Variants in KLF17 observed in about 807,000 individuals in gnomAD.
KLF17 encodes the protein Krueppel-like factor 17.
A neutral mutation model predicts 34.2 loss-of-function variants in KLF17; 31 were observed. The ratio of observed to expected loss-of-function variants is 0.91; its 90% CI spans 0.68 to 1.22. KLF17 has a LOEUF of 1.22. Ranked by LOEUF, KLF17 falls within the 50% of genes most tolerant of loss-of-function variation. KLF17 has a pLI of 0.00. For missense variants in KLF17, 478 were observed against 505.2 expected (o/e 0.95, Z 0.52); for synonymous variants, 179 against 186.7 (o/e 0.96, Z 0.34).
the KLF17 span, among the ~76,000 whole-genome samples, chr1:44,056,017 C>T: frequency 1.3e-5 from 2 of 152,260 alleles, no homozygotes; most frequent in South Asian, 4.1e-4. Context: ...TAACTTTATA[C>T]CCAGACTCTC....
chr1:44,131,489 A>G lies in KLF17; in HGVS notation c.*733A>G, dbSNP rs72886008. On this transcript the variant is annotated intron_variant, in intron 3 of 3. Transcript: ENST00000372299. The stretch of plus-strand genomic sequence containing the variant: ...ACCTTGAGAAAGTTCTTGGATCACT[A>G]TGCTTTGTTTCTTCCAGAAAATGAA... 3.7e-3 allele frequency among the ~76,000 whole-genome samples: 556 copies of G among 152,288 alleles called. 6 individuals are homozygous for G. The highest frequency in any genetic ancestry group is 0.013 in the African/African-American group (534 of 41,556).
the KLF17 span, chr1:44,052,178 A>T: frequency 6.6e-6 from 1 of 152,308 alleles, no homozygotes; most frequent in Admixed American, 6.5e-5. Context: ...TGGAGACCTC[A>T]ATCCTCAGGT....
chr1:44,103,925 G>A, the KLF17 span: 25 of 845,572 alleles, frequency 3.0e-5, no homozygotes, highest in South Asian at 3.2e-4. Context: ...TCTCATACTT[G>A]ATCTGGTACA....
the KLF17 span, among the ~76,000 whole-genome samples, chr1:44,067,801 T>A: frequency 4.0e-5 from 6 of 151,290 alleles, no homozygotes; most frequent in African/African-American, 1.5e-4. Flanking sequence ...AATGCCACCC[T>A]GACCTCATGG....
the KLF17 span, among the ~76,000 whole-genome samples, chr1:44,072,422 G>A: frequency 3.3e-5 from 5 of 152,132 alleles, no homozygotes; most frequent in Admixed American, 6.6e-5. Context: ...CAGCTGCAGT[G>A]GCTCATGCCT....
chr1:44,112,659 C>T, the KLF17 span, among the ~76,000 whole-genome samples: 573 of 152,274 alleles, frequency 3.8e-3, 2 homozygotes, highest in African/African-American at 0.013. Flanking sequence ...TCTCCCACCT[C>T]GGCCTTGCAA....
chr1:44,116,916 A>G (rs1420087270), upstream of KLF17, among the ~76,000 whole-genome samples: 2 of 152,138 alleles, frequency 1.3e-5, no homozygotes, highest in South Asian at 4.1e-4. Context: ...AGTGTCTAAA[A>G]TGGAATTCTT....
the KLF17 span, among the ~76,000 whole-genome samples, chr1:44,046,560 C>T: frequency 6.6e-6 from 1 of 151,020 alleles, no homozygotes. Flanking sequence ...CACACACACA[C>T]ACACACACTC....
At chr1:44,055,379 C>A in the KLF17 span, among the ~76,000 whole-genome samples, 1 of 152,120 alleles carries the variant, frequency 6.6e-6, no homozygotes, top group African/African-American at 2.4e-5. Context: ...TGATGGCCAG[C>A]CAAAAATTAG....
chr1:44,066,275 C>T, the KLF17 span, among the ~76,000 whole-genome samples: 2 of 151,696 alleles, frequency 1.3e-5, no homozygotes, highest in Non-Finnish European at 2.9e-5. Context: ...GCCATGATTG[C>T]ACCACTGTAC....
chr1:44,053,818 AT>A, the KLF17 span, among the ~76,000 whole-genome samples: 1 of 152,124 alleles, frequency 6.6e-6, no homozygotes, highest in African/African-American at 2.4e-5. Context: ...AAATATTACT[AT>A]CCACTTGTTG....
the KLF17 span, among the ~76,000 whole-genome samples, chr1:44,050,689 G>A: frequency 3.9e-5 from 6 of 152,072 alleles, no homozygotes; most frequent in African/African-American, 1.2e-4. Flanking sequence ...AGCCAAGGTG[G>A]GCAGATCACT....
the KLF17 span, among the ~76,000 whole-genome samples, chr1:44,072,800 C>A: frequency 6.6e-6 from 1 of 152,080 alleles, no homozygotes; most frequent in Non-Finnish European, 1.5e-5. Flanking sequence ...GGCCCAGGAG[C>A]CCCCAGAGCC....
the KLF17 span, among the ~76,000 whole-genome samples, chr1:44,084,867 A>G: frequency 6.6e-6 from 1 of 150,812 alleles, no homozygotes; most frequent in Admixed American, 6.6e-5. Flanking sequence ...TGAGCCCAGG[A>G]GTTCAAGACC....
chr1:44,103,627 G>C, the KLF17 span: 2 of 1,610,112 alleles, frequency 1.2e-6, no homozygotes, highest in South Asian at 1.1e-5. Context: ...TCGATGTCCA[G>C]GGCCAGCTTG....
At chr1:44,106,475 T>C in the KLF17 span, 1 of 152,298 alleles carries the variant, frequency 6.6e-6, no homozygotes, top group South Asian at 2.1e-4. Flanking sequence ...ACCCTTACTT[T>C]CTCCAGAGTG....
intron 1 of KLF17, among the ~76,000 whole-genome samples, chr1:44,126,534 C>G (rs2088010032): frequency 6.6e-6 from 1 of 152,162 alleles, no homozygotes; most frequent in African/African-American, 2.4e-5. Context: ...ACAAATGCTG[C>G]CAGTGTGATA....
chr1:44,095,503 C>A, the KLF17 span, among the ~76,000 whole-genome samples: 1 of 152,198 alleles, frequency 6.6e-6, no homozygotes, highest in African/African-American at 2.4e-5. Flanking sequence ...ACATGAGCCA[C>A]CATGCCCAGC....
the KLF17 span, among the ~76,000 whole-genome samples, chr1:44,046,469 C>A: frequency 4.0e-5 from 6 of 151,840 alleles, no homozygotes; most frequent in East Asian, 9.7e-4. Flanking sequence ...CAGTCCTCTT[C>A]CTTGGCCTCC....
Sources: allele counts gnomAD v4.1 joint callset (sites outside exome capture counted in the v4.1 genomes callset), GRCh38; gene constraint gnomAD v4.1.1; transcripts MANE v1.5; gene names NCBI Gene and HGNC (gene_info 2026-07-23, HGNC 2026-07-21).